PSG9: variants seen among roughly 807,000 people sequenced by gnomAD.
The protein encoded by PSG9 is pregnancy specific beta-1-glycoprotein 9, also known as pregnancy-specific beta-1-glycoprotein 9.
Under a neutral mutation model 41.9 loss-of-function variants are expected in PSG9, and 49 were observed. The ratio of observed to expected loss-of-function variants is 1.17; its 90% CI spans 0.93 to 1.48. The LOEUF (loss-of-function observed/expected upper bound fraction) is 1.48. PSG9 is among the 40% of genes most tolerant of loss of function. The pLI is 0.00. For missense variants in PSG9, 641 were observed against 520.3 expected (o/e 1.23, Z -2.26); for synonymous variants, 263 against 196.8 (o/e 1.34, Z -2.82).
In PSG9 at chr19:43,258,740, G is replaced by A. The variant is rs555852654; in HGVS notation, c.988+117C>T. Reference sequence around the variant, plus strand: ...CAGGGCAGGGAGTCATGGCCACCTCGGATGTCTAGAAGTAAAGGTGTCTAT... The same window carrying A: ...CAGGGCAGGGAGTCATGGCCACCTCAGATGTCTAGAAGTAAAGGTGTCTAT... On this transcript the variant is annotated intron_variant, in intron 4 of 5. Coordinates refer to ENST00000270077, the MANE Select transcript of PSG9 (RefSeq NM_002784.5). The A allele has an allele frequency of 5.6e-5, 83 of 1,477,062 alleles. 6 individuals carry two copies. The South Asian group carries it at 8.0e-4, about 14-fold the overall frequency. The allele number at this position is 1,477,062 out of a possible 1,614,324, so 91.5% of individuals were successfully genotyped here. A position where few individuals can be genotyped will look rare whatever the true frequency, so the allele number is the denominator to read the frequency against.
chr19:43,267,067 C>A (rs937846045), intron 2 of PSG9, among the ~76,000 whole-genome samples: 1 of 152,136 alleles, frequency 6.6e-6, no homozygotes, highest in African/African-American at 2.4e-5. Flanking sequence ...AAGCTGCTAC[C>A]AGGTACATCT....
At chr19:43,267,218 T>G (rs1969011009) in intron 2 of PSG9, among the ~76,000 whole-genome samples, 1 of 152,152 alleles carries the variant, frequency 6.6e-6, no homozygotes, top group Non-Finnish European at 1.5e-5. Context: ...GCTCTGTCCT[T>G]GCCCAGATGA....
At chr19:43,258,818 G>A in intron 4 of PSG9, 39 bp downstream of exon 4, 1 of 1,555,316 alleles carries the variant, frequency 6.4e-7, no homozygotes, top group Non-Finnish European at 8.7e-7. Context: ...TTGGACTTAA[G>A]CTGGTGTCCT....
In PSG9 at chr19:43,267,963, A is replaced by G. The variant is rs764914188; in HGVS notation, c.251T>C (p.Val84Ala). The G allele has an allele frequency of 6.2e-7, 1 of 1,613,570 alleles. No individual in the cohort carries two copies. Among genetic ancestry groups the G allele is most frequent in the Non-Finnish European group, 8.5e-7 (1 of 1,179,654 alleles). Residue 84 changes from valine (V) to alanine (A), a missense_variant, in exon 2 of 6, where the codon GTT becomes GCT. Val to Ala is a moderately conservative substitution (Grantham distance 64). Transcript: ENST00000270077. ...DLYHYIISYI[V>A]DGKIIIYGPA... ...CCCATATATAATTATTTTACCATCA[A>G]CTATATACGATATAATGTAATGGTA...
chr19:43,266,962 G>C lies in PSG9; in HGVS notation c.430+822C>G, dbSNP rs572810265. Among the ~76,000 whole-genome samples the C allele has an allele frequency of 6.6e-5, 10 of 152,260 alleles. No individual in the cohort carries two copies. In the East Asian group the frequency reaches 1.9e-3, roughly 29 times the overall value. ...AATGTTAAATGATTCACAGTCACCT[G>C]ACCTAATGCTTGGCACAGTGGAGGT... On this transcript the variant is annotated intron_variant, in intron 2 of 5. Transcript: ENST00000270077.
At chr19:43,265,126 G>T (rs184132690) in intron 2 of PSG9, among the ~76,000 whole-genome samples, 25 of 152,218 alleles carry the variant, frequency 1.6e-4, no homozygotes, top group Non-Finnish European at 1.5e-4. Flanking sequence ...TTATTTTATG[G>T]TTTAACTTTG....
chr19:43,257,554 G>A lies in PSG9; in HGVS notation c.1243+648C>T, dbSNP rs1968490000. ...ACGCAGCTCAGGAGTCTGCCCTGAG[G>A]CTCCCTCTCTTCTTATTTCCCTGCA... On this transcript the variant is annotated intron_variant, in intron 5 of 5. Coordinates refer to ENST00000270077, the MANE Select transcript of PSG9 (RefSeq NM_002784.5). 4 of 981,552 alleles carry A rather than the reference G, an allele frequency of 4.1e-6. No homozygotes were observed. The African/African-American group carries it at 7.4e-5, about 18-fold the overall frequency. The allele number at this position is 981,552 out of a possible 1,614,324, so 60.8% of individuals were successfully genotyped here. A position where few individuals can be genotyped will look rare whatever the true frequency, so the allele number is the denominator to read the frequency against.
intron 1 of PSG9, among the ~76,000 whole-genome samples, chr19:43,268,780 T>A (rs202028312): frequency 1.3e-5 from 2 of 150,594 alleles, no homozygotes; most frequent in East Asian, 3.9e-4. Context: ...TTGCTGAGGA[T>A]AGTGTTTCAT....
intron 3 of PSG9, among the ~76,000 whole-genome samples, chr19:43,260,979 C>A: frequency 6.6e-6 from 1 of 152,174 alleles, no homozygotes; most frequent in Middle Eastern, 3.4e-3. Flanking sequence ...AATTGAAATC[C>A]TTTCCTTAAC....
At chr19:43,266,335 ACCT>A (rs1296250525) in intron 2 of PSG9, among the ~76,000 whole-genome samples, 1 of 151,128 alleles carries the variant, frequency 6.6e-6, no homozygotes, top group African/African-American at 2.4e-5. Flanking sequence ...TGTGGCTAGA[ACCT>A]CCTAGGATTC....
intron 2 of PSG9, among the ~76,000 whole-genome samples, chr19:43,265,789 T>C (rs1297326912): frequency 1.3e-5 from 2 of 152,058 alleles, no homozygotes; most frequent in Non-Finnish European, 2.9e-5. Flanking sequence ...CCCTGTCCCA[T>C]GTTCTTGTCC....
chr19:43,264,610 A>G (rs1968880790), intron 2 of PSG9, among the ~76,000 whole-genome samples: 1 of 151,970 alleles, frequency 6.6e-6, no homozygotes. Context: ...GGCGCCCACC[A>G]CCACGCCCGG....
intron 2 of PSG9, among the ~76,000 whole-genome samples, chr19:43,264,518 C>T (rs1968874007): frequency 6.6e-6 from 1 of 151,998 alleles, no homozygotes; most frequent in African/African-American, 2.4e-5. Flanking sequence ...AGTGCAGTGG[C>T]ATGATCTCAG....
At chr19:43,256,341 C>T (rs1350446664) in intron 5 of PSG9, among the ~76,000 whole-genome samples, 2 of 146,556 alleles carry the variant, frequency 1.4e-5, no homozygotes, top group Non-Finnish European at 3.0e-5. Context: ...ATGGATAAAT[C>T]GGACTTCACA....
chr19:43,263,472 C>T (rs566327463), intron 2 of PSG9, among the ~76,000 whole-genome samples: 1 of 151,994 alleles, frequency 6.6e-6, no homozygotes, highest in African/African-American at 2.4e-5. Context: ...GAAGTGTTGA[C>T]TTTTGAGCAT....
In PSG9 at chr19:43,268,164, C is replaced by T. The variant is rs764517276; in HGVS notation, c.65-15G>A. 1 of 1,584,074 alleles carries T rather than the reference C, an allele frequency of 6.3e-7. No individual in the cohort carries two copies. Among genetic ancestry groups the T allele is most frequent in the Non-Finnish European group, 8.6e-7 (1 of 1,166,302 alleles). ...TAAAAGTGATGCTAGGAGGGGGAGACAGCATCAGTTAATATTGAGACCTAT... is the reference window on the plus strand; with the variant it reads ...TAAAAGTGATGCTAGGAGGGGGAGATAGCATCAGTTAATATTGAGACCTAT... On this transcript the variant is annotated splice_polypyrimidine_tract_variant and intron_variant, in intron 1 of 5. Transcript: ENST00000270077.
intron 2 of PSG9, among the ~76,000 whole-genome samples, 168 bp downstream of exon 2, chr19:43,267,616 G>A (rs540127671): frequency 6.6e-6 from 1 of 152,258 alleles, no homozygotes; most frequent in African/African-American, 2.4e-5. Flanking sequence ...ATTCTGATCT[G>A]TTGAAATTTG....
chr19:43,259,046 C>G lies in PSG9; in HGVS notation c.799G>C (p.Glu267Gln), dbSNP rs1409438582. The change falls in exon 4 of 6, where the codon GAG (glutamate) becomes CAG (glutamine). Residue 267 changes from glutamate (E) to glutamine (Q), a missense_variant. Physicochemically the swap from Glu to Gln is conservative, Grantham distance 29 (BLOSUM62 2). Transcript: ENST00000270077. ...VLAFTCEPKS[E>Q]NYTYIWWLNG... ...AGCCACCAAATGTAGGTGTAGTTCT[C>G]ACTCTTAGGTTCACAGGTGAAGGCT... The G allele has an allele frequency of 7.5e-6, 12 of 1,590,662 alleles. 1 individual carries two copies. The highest frequency in any genetic ancestry group is 5.7e-5 in the African/African-American group (4 of 70,620).
At chr19:43,269,339 T>G in intron 1 of PSG9, 29 bp downstream of exon 1, 1 of 1,613,056 alleles carries the variant, frequency 6.2e-7, no homozygotes, top group Non-Finnish European at 8.5e-7. Context: ...TTCCTCCCCC[T>G]GTCCTCTCCC....
Sources: allele counts gnomAD v4.1 joint callset (sites outside exome capture counted in the v4.1 genomes callset), GRCh38; gene constraint gnomAD v4.1.1; transcripts MANE v1.5; gene names NCBI Gene and HGNC (gene_info 2026-07-23, HGNC 2026-07-21).